The following CDKAL1 variants were observed in gnomAD, a reference collection of about 807,000 sequenced individuals.
The protein encoded by CDKAL1 is CDKAL1 threonylcarbamoyladenosine tRNA methylthiotransferase.
A neutral mutation model predicts 68.2 loss-of-function variants in CDKAL1; 32 were observed. The ratio of observed to expected loss-of-function variants is 0.47; its 90% CI spans 0.35 to 0.63. CDKAL1 has a LOEUF of 0.63. CDKAL1 is among the 30% of genes least tolerant of loss of function. The pLI is 0.00. For synonymous variants in CDKAL1, 234 were observed against 244.3 expected (o/e 0.96, Z 0.39); for missense variants, 606 against 696.7 (o/e 0.87, Z 1.47).
intron 4 of CDKAL1, among the ~76,000 whole-genome samples, chr6:20,600,771 C>CATATACATAT (rs1766051761): frequency 8.1e-6 from 1 of 124,176 alleles, no homozygotes; most frequent in African/African-American, 2.9e-5. Context: ...TATATGTATA[C>CATATACATAT]ATATATATAT....
chr6:20,543,001 A>C (rs1384446834), intron 2 of CDKAL1, among the ~76,000 whole-genome samples: 3 of 152,210 alleles, frequency 2.0e-5, no homozygotes, highest in Non-Finnish European at 4.4e-5. Flanking sequence ...TCATTAGTAC[A>C]TTTCTTTTTA....
chr6:20,616,996 C>T lies in CDKAL1; in HGVS notation c.287-32297C>T, dbSNP rs373011477. Among the ~76,000 whole-genome samples, 15 of 150,136 alleles carry T rather than the reference C, an allele frequency of 1.0e-4. No homozygotes were observed. The East Asian group carries it at 2.2e-3, about 22-fold the overall frequency. ...TTGAGGCTGCAGTGAGCTGTGATTG[C>T]ACCACTGCACTCCAGGCTGGGTGAG... On this transcript the variant is annotated intron_variant, in intron 4 of 15. Coordinates refer to ENST00000274695, the MANE Select transcript of CDKAL1 (RefSeq NM_017774.3).
intron 4 of CDKAL1, among the ~76,000 whole-genome samples, chr6:20,593,574 A>C (rs1292227616): frequency 7.0e-6 from 1 of 143,624 alleles, no homozygotes; most frequent in Non-Finnish European, 1.5e-5. Context: ...CTTCTTTATT[A>C]GTTTGGCTGG....
At chr6:20,805,557 G>A (rs1776538601) in intron 8 of CDKAL1, among the ~76,000 whole-genome samples, 1 of 152,190 alleles carries the variant, frequency 6.6e-6, no homozygotes, top group Non-Finnish European at 1.5e-5. Flanking sequence ...GCAAAGCGTT[G>A]TGTTTATTAT....
chr6:20,899,468 G>A (rs1244201261), intron 9 of CDKAL1, among the ~76,000 whole-genome samples: 2 of 152,024 alleles, frequency 1.3e-5, no homozygotes, highest in Non-Finnish European at 2.9e-5. Context: ...TGAACAGAAT[G>A]ATGCTGCTTT....
At chr6:21,206,172 C>A (rs1408119123) in intron 15 of CDKAL1, among the ~76,000 whole-genome samples, 1 of 152,106 alleles carries the variant, frequency 6.6e-6, no homozygotes, top group Admixed American at 6.5e-5. Context: ...TACTGCCTTG[C>A]CCATTTTAAT....
chr6:20,981,561 G>T (rs557272062), intron 10 of CDKAL1, among the ~76,000 whole-genome samples: 53 of 152,164 alleles, frequency 3.5e-4, no homozygotes, highest in Non-Finnish European at 6.8e-4. Flanking sequence ...TTTTGATGAG[G>T]CCGGGCACAG....
At chr6:21,222,426 A>G (rs1164122994) in intron 15 of CDKAL1, among the ~76,000 whole-genome samples, 1 of 152,228 alleles carries the variant, frequency 6.6e-6, no homozygotes, top group Admixed American at 6.5e-5. Context: ...TCCAAAAGAA[A>G]TGGAAAGGAG....
chr6:20,838,858 C>A (rs1778063177), intron 8 of CDKAL1, among the ~76,000 whole-genome samples: 1 of 151,828 alleles, frequency 6.6e-6, no homozygotes, highest in African/African-American at 2.4e-5. Flanking sequence ...GCCTGTAGTC[C>A]CAGCTACTTG....
intron 4 of CDKAL1, among the ~76,000 whole-genome samples, chr6:20,603,899 C>A (rs1388800500): frequency 6.6e-6 from 1 of 150,430 alleles, no homozygotes; most frequent in Non-Finnish European, 1.5e-5. Context: ...GCCTCAGCCT[C>A]CCAGATAGCT....
At chr6:20,954,411 G>A (rs1287518964) in intron 9 of CDKAL1, among the ~76,000 whole-genome samples, 1 of 152,070 alleles carries the variant, frequency 6.6e-6, no homozygotes, top group Non-Finnish European at 1.5e-5. Context: ...TTATACTTTG[G>A]TTCAGGCTAA....
At chr6:21,005,627 T>G (rs1767683767) in intron 11 of CDKAL1, among the ~76,000 whole-genome samples, 2 of 152,240 alleles carry the variant, frequency 1.3e-5, no homozygotes, top group Non-Finnish European at 2.9e-5. Context: ...TAACGTTAAG[T>G]TGCATCTTAC....
intron 9 of CDKAL1, among the ~76,000 whole-genome samples, chr6:20,949,040 T>C (rs1764397616): frequency 6.6e-6 from 1 of 152,262 alleles, no homozygotes; most frequent in East Asian, 1.9e-4. Flanking sequence ...ATTTTTTCTA[T>C]AACCAGTATA....
chr6:20,553,158 A>G (rs1163971724), intron 4 of CDKAL1, among the ~76,000 whole-genome samples: 1 of 152,200 alleles, frequency 6.6e-6, no homozygotes, highest in Non-Finnish European at 1.5e-5. Context: ...TTATGTGGGT[A>G]TGTATTTGAA....
chr6:21,045,969 AT>A (rs1194837188), intron 11 of CDKAL1, among the ~76,000 whole-genome samples: 1 of 152,118 alleles, frequency 6.6e-6, no homozygotes, highest in Admixed American at 6.6e-5. Flanking sequence ...GAGGCAGCTT[AT>A]TATTTCAGAT....
At chr6:21,130,968 C>T (rs758785032) in intron 13 of CDKAL1, among the ~76,000 whole-genome samples, 6 of 152,208 alleles carry the variant, frequency 3.9e-5, no homozygotes, top group Non-Finnish European at 7.3e-5. Flanking sequence ...CCCCAGTTTT[C>T]CTTCTGCACC....
intron 9 of CDKAL1, among the ~76,000 whole-genome samples, chr6:20,877,499 C>A (rs1157203506): frequency 6.6e-6 from 1 of 152,192 alleles, no homozygotes; most frequent in Non-Finnish European, 1.5e-5. Context: ...ATTATGCGGG[C>A]CAGTCTGAGG....
At chr6:20,597,820 A>G (rs768239320) in intron 4 of CDKAL1, among the ~76,000 whole-genome samples, 2 of 152,196 alleles carry the variant, frequency 1.3e-5, no homozygotes, top group African/African-American at 2.4e-5. Context: ...TGTAATATTT[A>G]ACTGTATCCT....
At chr6:20,999,663 T>TAAAAAAAAAAAAAAAA (rs36078234) in intron 10 of CDKAL1, among the ~76,000 whole-genome samples, 1 of 93,400 alleles carries the variant, frequency 1.1e-5, no homozygotes, top group Non-Finnish European at 2.0e-5. Flanking sequence ...TGACTGAAAT[T>TAAAAAAAAAAAAAAAA]AAAAAAAAAA....
Sources: allele counts gnomAD v4.1 joint callset (sites outside exome capture counted in the v4.1 genomes callset), GRCh38; gene constraint gnomAD v4.1.1; transcripts MANE v1.5; gene names NCBI Gene and HGNC (gene_info 2026-07-23, HGNC 2026-07-21).